Variants in SLC11A1 observed in about 807,000 individuals in gnomAD.
SLC11A1 encodes natural resistance-associated macrophage protein 1.
A neutral mutation model predicts 63.2 loss-of-function variants in SLC11A1; 59 were observed. The observed-to-expected ratio is 0.93, with a 90% CI of 0.76 to 1.16. The LOEUF (loss-of-function observed/expected upper bound fraction) is 1.16. Among genes scored for constraint, SLC11A1 ranks in the 50% most tolerant of loss-of-function variants. SLC11A1 has a pLI of 0.00. For missense variants in SLC11A1, 688 were observed against 730.7 expected, an observed-to-expected ratio of 0.94 and a Z score of 0.67; for synonymous variants, 305 against 307.8, an observed-to-expected ratio of 0.99 and a Z score of 0.09.
intron 10 of SLC11A1, 24 bp downstream of exon 10, chr2:218,391,311 G>GGGGGGGGGGGGC: frequency 1.5e-6 from 1 of 646,232 alleles, no homozygotes; most frequent in Non-Finnish European, 2.8e-6. Context: ...GGTGGGGAGG[G>GGGGGGGGGGGGC]CGTGACCCAG....
At chr2:218,385,557 A>C (rs1174021725) in intron 4 of SLC11A1, 1 of 432,268 alleles carries the variant, frequency 2.3e-6, no homozygotes, top group African/African-American at 2.0e-5. Flanking sequence ...TCATCGGCTA[A>C]TTTTTGTATT....
intron 2 of SLC11A1, 143 bp downstream of exon 2, chr2:218,383,245 G>GT: frequency 1.2e-6 from 1 of 832,310 alleles, no homozygotes. Context: ...AGTGGCAACT[G>GT]CCCCTTCCTG....
At chr2:218,393,434 A>G (rs1157058956) in intron 12 of SLC11A1, among the ~76,000 whole-genome samples, 1 of 149,604 alleles carries the variant, frequency 6.7e-6, no homozygotes, top group Non-Finnish European at 1.5e-5. Flanking sequence ...CAGGCTCCCG[A>G]GTAGCAGGGA....
intron 13 of SLC11A1, 33 bp downstream of exon 13, chr2:218,394,226 A>G (rs774686614): frequency 1.0e-5 from 16 of 1,599,698 alleles, no homozygotes; most frequent in Non-Finnish European, 1.3e-5. Flanking sequence ...GCTGGATTGC[A>G]TCACCACATT....
chr2:218,394,610 G>C (rs763630709), intron 13 of SLC11A1, 22 bp from the exon 14 acceptor site: 5 of 1,611,512 alleles, frequency 3.1e-6, no homozygotes, highest in South Asian at 1.1e-5. Flanking sequence ...AGCCAGTCCT[G>C]AGCCTCTCTC....
chr2:218,386,751 C>T lies in SLC11A1; in HGVS notation c.500+10C>T. 6.3e-7 allele frequency: 1 copy of T among 1,596,726 alleles called. No homozygotes were observed. On this transcript the variant is annotated intron_variant, in intron 5 of 14. Transcript: ENST00000233202. ...TGCTCTCAGCTGGACGGTACCACCC[C>T]AGTGTACCCCAACTCTTCAGGCCAG... is the stretch of plus-strand genomic sequence containing the variant.
At chr2:218,385,945 A>G (rs996511433) in intron 4 of SLC11A1, among the ~76,000 whole-genome samples, 1 of 152,186 alleles carries the variant, frequency 6.6e-6, no homozygotes, top group African/African-American at 2.4e-5. Flanking sequence ...TATTGAATGC[A>G]GGGATTGAAA....
rs533552349 is a variant in SLC11A1 at position 218,391,228 on chromosome 2, G to A, written c.985G>A (p.Asp329Asn). Residue 329 changes from aspartate to asparagine, a missense_variant, in exon 10 of 15, where the codon GAC becomes AAC. Coordinates refer to ENST00000233202, the MANE Select transcript of SLC11A1 (RefSeq NM_000578.4). ...FNICANSSLH[D>N]YAKIFPMNNA... Reference sequence around the variant, plus strand: ...CATCTGTGCCAACAGCAGCCTCCACGACTACGCCAAGATCTTCCCCATGAA... The same window carrying A: ...CATCTGTGCCAACAGCAGCCTCCACAACTACGCCAAGATCTTCCCCATGAA... 1.8e-5 allele frequency: 28 copies of A among 1,553,704 alleles called. No individual in the cohort carries two copies. Among genetic ancestry groups the A allele is most frequent in the Middle Eastern group, 1.7e-4 (1 of 5,778 alleles).
intron 4 of SLC11A1, 38 bp downstream of exon 4, chr2:218,385,304 C>T: frequency 6.2e-7 from 1 of 1,613,002 alleles, no homozygotes; most frequent in Non-Finnish European, 8.5e-7. Context: ...AACCACTGGC[C>T]CCAAACCCCA....
In SLC11A1 at chr2:218,394,624, TC is replaced by T; in HGVS notation, c.1389-3del. The T allele has an allele frequency of 6.2e-7, 1 of 1,612,990 alleles. No homozygotes were observed. ...CAGCCAGTCCTGAGCCTCTCTCGTG[TC>T]CCCCAGGCTGAACAAGGTCGTCACC... On this transcript the variant is annotated splice_region_variant and splice_polypyrimidine_tract_variant and intron_variant, in intron 13 of 14. Coordinates refer to ENST00000233202, the MANE Select transcript of SLC11A1 (RefSeq NM_000578.4).
intron 8 of SLC11A1, among the ~76,000 whole-genome samples, chr2:218,389,154 A>T (rs1367152998): frequency 6.6e-6 from 1 of 151,982 alleles, no homozygotes; most frequent in African/African-American, 2.4e-5. Flanking sequence ...TCTGAAGTAA[A>T]CAAAACAGAG....
chr2:218,387,890 G>T lies in SLC11A1; in HGVS notation c.730G>T (p.Ala244Ser). 1 of 1,605,516 alleles carries T rather than the reference G, an allele frequency of 6.2e-7. No homozygotes were observed. Among genetic ancestry groups the T allele is most frequent in the South Asian group, 1.1e-5 (1 of 89,972 alleles). Residue 244 changes from alanine (A) to serine (S), a missense_variant, in exon 8 of 15, where the codon GCG becomes TCG. By Grantham distance (99) the Ala-to-Ser change is moderately conservative. Coordinates refer to ENST00000233202, the MANE Select transcript of SLC11A1 (RefSeq NM_000578.4). ...CTGCGGCCACCCCGAGCTGCTGCAGGCGGTGGGCATTGTTGGCGCCATCAT... is the reference window on the plus strand; with the variant it reads ...CTGCGGCCACCCCGAGCTGCTGCAGTCGGTGGGCATTGTTGGCGCCATCAT... ...PGCGHPELLQ[A>S]VGIVGAIIMP...
chr2:218,384,266 A>G lies in SLC11A1; in HGVS notation c.174A>G (p.Leu58=), dbSNP rs776902209. Residue 58 remains leucine, a synonymous_variant, in exon 3 of 15, where the codon CTA becomes CTG. Coordinates refer to ENST00000233202, the MANE Select transcript of SLC11A1 (RefSeq NM_000578.4). The surrounding 1 kb of genome is among the most constrained non-coding windows in gnomAD (Gnocchi z 4.0). The part of the protein sequence containing the change: ...TKPGTFSLRK[L]WAFTGPGFLM... ...AGGGCACCTTCAGCCTGCGGAAGCT[A>G]TGGGCCTTCACGGGGCCTGGCTTCC... The G allele has an allele frequency of 2.5e-6, 4 of 1,605,566 alleles. No individual in the cohort carries two copies. Among genetic ancestry groups the G allele is most frequent in the South Asian group, 2.2e-5 (2 of 90,288 alleles).
rs758251838 is a variant in SLC11A1 at position 218,394,596 on chromosome 2, A to C, written c.1389-36A>C. 3 of 1,604,312 alleles carry C rather than the reference A, an allele frequency of 1.9e-6. No individual in the cohort carries two copies. In the South Asian group the frequency reaches 3.3e-5, roughly 18 times the overall value. On this transcript the variant is annotated intron_variant, in intron 13 of 14. Transcript: ENST00000233202. The stretch of plus-strand genomic sequence containing the variant: ...GAGTTGATGCAGGTGGGCCAGCAGC[A>C]ACCAGCCAGTCCTGAGCCTCTCTCG...
At position 218,383,007 on chromosome 2, in the gene SLC11A1, T is replaced by TCCAGCCCGA. The variant is rs145961681; in HGVS notation, c.72_80dup (p.Thr25_Pro27dup). ...AAGCGGGTCCAGCTATGGTTCCATC[T>TCCAGCCCGA]CCAGCCCGACCAGCCCGACCAGCCC... On this transcript the variant is annotated inframe_insertion, in exon 2 of 15. Transcript: ENST00000233202. 23 of 1,613,826 alleles carry TCCAGCCCGA rather than the reference T, an allele frequency of 1.4e-5. No homozygotes were observed. The highest frequency in any genetic ancestry group is 4.5e-5 in the East Asian group (2 of 44,876).
intron 8 of SLC11A1, among the ~76,000 whole-genome samples, chr2:218,388,994 A>G (rs989324617): frequency 2.0e-5 from 3 of 151,974 alleles, no homozygotes; most frequent in Non-Finnish European, 4.4e-5. Flanking sequence ...TGTTGTGCAC[A>G]CCTGTAGTCC....
rs1695994109 is a variant in SLC11A1 at position 218,384,879 on chromosome 2, G to T, written c.274-268G>T. 5.2e-6 allele frequency: 2 copies of T among 388,038 alleles called. No individual in the cohort carries two copies. Among genetic ancestry groups the T allele is most frequent in the Non-Finnish European group, 4.9e-6 (1 of 205,176 alleles). The allele number at this position is 388,038 out of a possible 1,614,324, so 24.0% of individuals were successfully genotyped here. ...TGGGATAACAGGTGTGAGCCACCTT[G>T]CCTGGCGTAATTTATTTATTTATTT... On this transcript the variant is annotated intron_variant, in intron 3 of 14. Coordinates refer to ENST00000233202, the MANE Select transcript of SLC11A1 (RefSeq NM_000578.4). The surrounding 1 kb of genome is among the most constrained non-coding windows in gnomAD (Gnocchi z 4.0).
chr2:218,393,269 C>T lies in SLC11A1; in HGVS notation c.1314+139C>T. On this transcript the variant is annotated intron_variant, in intron 12 of 14. Transcript: ENST00000233202. ...GCCTACAAGGCTTCCATTGTCCCCA[C>T]AGCCACCCTGGGGGGCAGGAGGGTA... 3 of 858,458 alleles carry T rather than the reference C, an allele frequency of 3.5e-6. No homozygotes were observed. The East Asian group carries it at 1.0e-4, about 29-fold the overall frequency. 53.2% of individuals were successfully genotyped at this position (858,458 alleles called of 1,614,324 possible).
At position 218,396,080 on chromosome 2, in the gene SLC11A1, C is replaced by G. The variant is rs192423992; in HGVS notation, c.*1045C>G. ...TACCGCTCCCTCTCTGCTGACTGCT[C>G]CCCCTAGGGGCAGAGACGGTCCCGA... is the stretch of plus-strand genomic sequence containing the variant. On this transcript the variant is annotated 3_prime_UTR_variant, in exon 15 of 15. Transcript: ENST00000233202. 6.6e-6 allele frequency: 1 copy of G among 152,292 alleles called. No homozygotes were observed. The highest frequency in any genetic ancestry group is 1.5e-5 in the Non-Finnish European group (1 of 68,054). 9.4% of individuals were successfully genotyped at this position (152,292 alleles called of 1,614,324 possible).
Sources: gnomAD v4.1 joint callset for allele counts (sites outside exome capture counted in the v4.1 genomes callset) on GRCh38, gnomAD v4.1.1 for gene constraint, Gnocchi (gnomAD v3.1) non-coding constraint, MANE v1.5 for transcripts, NCBI Gene and HGNC (gene_info 2026-07-23, HGNC 2026-07-21) for gene names.